ADAM19: variants seen among roughly 807,000 people sequenced by gnomAD.
ADAM19 encodes disintegrin and metalloproteinase domain-containing protein 19.
ADAM19 carries 65 observed loss-of-function variants against 114.7 expected under a neutral mutation model. The observed-to-expected ratio is 0.57, with a 90% CI of 0.46 to 0.70. The LOEUF is 0.70. Among genes scored for constraint, ADAM19 ranks in the 30% least tolerant of loss-of-function variants. The pLI is 0.00. For synonymous variants in ADAM19, 466 were observed against 460.5 expected, an observed-to-expected ratio of 1.01 and a Z score of -0.15; for missense variants, 1,063 against 1,204.7, an observed-to-expected ratio of 0.88 and a Z score of 1.74.
At chr5:157,533,476 C>T (rs1457370421) in intron 4 of ADAM19, among the ~76,000 whole-genome samples, 1 of 152,124 alleles carries the variant, frequency 6.6e-6, no homozygotes, top group African/African-American at 2.4e-5. Flanking sequence ...TTGGAGGCCC[C>T]TCATGAAGCA....
At position 157,479,247 on chromosome 5, in the gene ADAM19, C is replaced by T. The variant is rs908645198; in HGVS notation, c.*1702G>A. The T allele has an allele frequency of 6.1e-6, 6 of 985,752 alleles. No homozygotes were observed. The highest frequency in any genetic ancestry group is 1.7e-5 in the African/African-American group (1 of 57,220). 61.1% of individuals were successfully genotyped at this position (985,752 alleles called of 1,614,324 possible). On this transcript the variant is annotated 3_prime_UTR_variant, in exon 23 of 23. Coordinates refer to ENST00000257527, the MANE Select transcript of ADAM19 (RefSeq NM_033274.5). ...AGGCTTTTCCCCCAGGGGTACATCC[C>T]GTATTTTCCACTTATTTCCAAACCC...
Position 157,477,809 on chromosome 5 carries a change from A to T in ADAM19, c.*3140T>A, listed in dbSNP as rs1657082931. ...AAAGATTGGAAAGGCGTATTGCAGG[A>T]GGTGGGGAGGGGCTATTGCTTCAGG... On this transcript the variant is annotated 3_prime_UTR_variant, in exon 23 of 23. Transcript: ENST00000257527. The T allele has an allele frequency of 5.6e-6, 6 of 1,065,710 alleles. No homozygotes were observed. The highest frequency in any genetic ancestry group is 1.6e-5 in the African/African-American group (1 of 61,538). 66.0% of individuals were successfully genotyped at this position (1,065,710 alleles called of 1,614,324 possible).
intron 15 of ADAM19, 109 bp downstream of exon 15, chr5:157,494,577 TA>T: frequency 1.2e-6 from 1 of 809,796 alleles, no homozygotes; most frequent in Non-Finnish European, 2.0e-6. Flanking sequence ...CTGATTGACG[TA>T]AAGGTGCAGC....
intron 12 of ADAM19, among the ~76,000 whole-genome samples, chr5:157,502,417 T>A (rs1482208774): frequency 1.3e-5 from 2 of 152,182 alleles, no homozygotes; most frequent in Non-Finnish European, 1.5e-5. Context: ...ATTTTAAGCA[T>A]CCTCATAAGG....
rs1482513927 is a variant in ADAM19 at position 157,502,942 on chromosome 5, C to T, written c.1169G>A (p.Arg390Lys). ...FPKVFNGCNR[R>K]ELDRYLQSGG... The stretch of plus-strand genomic sequence containing the variant: ...TGACTGCAGATACCTGTCCAGCTCC[C>T]TCCTGTTGCATCCATTGAACACTTT... Residue 390 changes from arginine to lysine, a missense_variant, in exon 12 of 23, where the codon AGG (arginine) becomes AAG (lysine). Coordinates refer to ENST00000257527, the MANE Select transcript of ADAM19 (RefSeq NM_033274.5). 6.2e-7 allele frequency: 1 copy of T among 1,614,150 alleles called. No individual in the cohort carries two copies. The highest frequency in any genetic ancestry group is 1.3e-5 in the African/African-American group (1 of 75,016).
intron 3 of ADAM19, among the ~76,000 whole-genome samples, chr5:157,547,063 T>G (rs1430949654): frequency 2.0e-5 from 3 of 152,248 alleles, no homozygotes; most frequent in Non-Finnish European, 2.9e-5. Context: ...GCACAGATTT[T>G]GCTTCTGCTG....
At chr5:157,530,955 G>T in intron 4 of ADAM19, 72 bp from the exon 5 acceptor site, 2 of 1,320,034 alleles carry the variant, frequency 1.5e-6, no homozygotes, top group Non-Finnish European at 1.1e-6. Context: ...TCTCAGGATG[G>T]TCATGGATGA....
At chr5:157,520,075 C>T (rs1375224302) in intron 5 of ADAM19, 44 bp from the exon 6 acceptor site, 2 of 1,562,926 alleles carry the variant, frequency 1.3e-6, no homozygotes, top group African/African-American at 1.4e-5. Context: ...GATTATGGTT[C>T]TGAAAAAGTC....
intron 5 of ADAM19, among the ~76,000 whole-genome samples, chr5:157,524,548 T>A (rs1756399441): frequency 6.6e-6 from 1 of 152,166 alleles, no homozygotes; most frequent in Admixed American, 6.5e-5. Flanking sequence ...ACATTCTACA[T>A]CCCTATACCC....
At chr5:157,561,926 TAA>T (rs771902380) in intron 3 of ADAM19, among the ~76,000 whole-genome samples, 26 of 141,072 alleles carry the variant, frequency 1.8e-4, no homozygotes, top group South Asian at 2.3e-4. Flanking sequence ...GCACGTAGAT[TAA>T]AAAAAAAAAA....
intron 1 of ADAM19, chr5:157,572,308 T>G (rs972455291): frequency 2.2e-6 from 1 of 455,840 alleles, no homozygotes; most frequent in African/African-American, 2.0e-5. Flanking sequence ...AGAAAGAGAA[T>G]TTAAACTATA....
At chr5:157,569,924 G>C (rs759780626) in intron 2 of ADAM19, among the ~76,000 whole-genome samples, 1 of 152,098 alleles carries the variant, frequency 6.6e-6, no homozygotes, top group Non-Finnish European at 1.5e-5. Context: ...CACAACAACC[G>C]CATCTTCCTT....
chr5:157,491,825 C>T lies in ADAM19; in HGVS notation c.1986+10G>A, dbSNP rs1755173988. The T allele has an allele frequency of 6.2e-7, 1 of 1,614,226 alleles. No individual in the cohort carries two copies. The highest frequency in any genetic ancestry group is 8.5e-7 in the Non-Finnish European group (1 of 1,180,020). On this transcript the variant is annotated intron_variant, in intron 17 of 22. Transcript: ENST00000257527. The stretch of plus-strand genomic sequence containing the variant: ...CCCATGACACAGAGAAGCCAGAACC[C>T]AGCACGCACCCCATGGCCATTGCAC...
rs536989137 is a variant in ADAM19, at chr5:157,514,774, A to G, written c.667-1269T>C. Among the ~76,000 whole-genome samples the G allele has an allele frequency of 7.9e-5, 12 of 152,366 alleles. No homozygotes were observed. In the South Asian group the frequency reaches 1.4e-3, roughly 18 times the overall value. ...AAAAGATAGATCTCTCTGAGCTGCA[A>G]TGATGAAGGAAAGCTTCACAGTGTA... On this transcript the variant is annotated intron_variant, in intron 7 of 22. Transcript: ENST00000257527.
chr5:157,516,448 G>A (rs899664708), intron 7 of ADAM19, among the ~76,000 whole-genome samples: 1 of 152,146 alleles, frequency 6.6e-6, no homozygotes, highest in Non-Finnish European at 1.5e-5. Flanking sequence ...TGGAGGTCAG[G>A]AGATAGAAGA....
chr5:157,546,192 C>T (rs1269404789), intron 3 of ADAM19, among the ~76,000 whole-genome samples: 1 of 152,256 alleles, frequency 6.6e-6, no homozygotes, highest in Non-Finnish European at 1.5e-5. Flanking sequence ...CCCCAGAAGG[C>T]ACTGTTTCAC....
chr5:157,481,994 GAA>G (rs1754769165), intron 21 of ADAM19, 51 bp from the exon 22 acceptor site: 1 of 1,404,224 alleles, frequency 7.1e-7, no homozygotes, highest in East Asian at 2.4e-5. Context: ...CTGTTTGAAA[GAA>G]AATATCCCTG....
At chr5:157,553,557 G>A (rs115527546) in intron 3 of ADAM19, among the ~76,000 whole-genome samples, 274 of 152,286 alleles carry the variant, frequency 1.8e-3, no homozygotes, top group Non-Finnish European at 3.5e-3. Flanking sequence ...GGTATTTGTG[G>A]AGTGAGAGGT....
At chr5:157,565,182 G>A (rs1194314212) in intron 2 of ADAM19, among the ~76,000 whole-genome samples, 1 of 152,198 alleles carries the variant, frequency 6.6e-6, no homozygotes, top group Admixed American at 6.5e-5. Context: ...TATACCAGTG[G>A]TTGATAAGCA....
Sources: allele counts gnomAD v4.1 joint callset (sites outside exome capture counted in the v4.1 genomes callset), GRCh38; gene constraint gnomAD v4.1.1; transcripts MANE v1.5; gene names NCBI Gene and HGNC (gene_info 2026-07-23, HGNC 2026-07-21).